Variants in ZDHHC2 observed in about 807,000 individuals in gnomAD.
ZDHHC2 encodes the protein palmitoyltransferase ZDHHC2.
ZDHHC2 carries 51 observed loss-of-function variants against 55.6 expected under a neutral mutation model. The observed-to-expected ratio is 0.92, with a 90% confidence interval of 0.73 to 1.16. The LOEUF (loss-of-function observed/expected upper bound fraction) is 1.16. Among genes scored for constraint, ZDHHC2 ranks in the 50% most tolerant of loss-of-function variants. The pLI, the probability that ZDHHC2 is intolerant of heterozygous loss-of-function variation, is 0.00. For missense variants in ZDHHC2, 491 were observed against 442.4 expected (o/e 1.11, Z -0.99); for synonymous variants, 199 against 152.9 (o/e 1.30, Z -2.22).
Position 17,199,503 on chromosome 8 carries a change from T to TTCTTCG in ZDHHC2, c.476+1095_476+1096insGTCTTC, listed in dbSNP as rs1554465992. 8.3e-3 allele frequency among the ~76,000 whole-genome samples: 522 copies of TTCTTCG among 63,228 alleles called. 19 individuals are homozygous for TTCTTCG. The highest frequency in any genetic ancestry group is 0.023 in the African/African-American group (487 of 21,054). 41.5% of individuals were successfully genotyped at this position (63,228 alleles called of 152,430 possible). A position where few individuals can be genotyped will look rare whatever the true frequency, so the allele number is the denominator to read the frequency against. On this transcript the variant is annotated intron_variant, in intron 6 of 12. Transcript: ENST00000262096. ...CTTCTTCTTCTTCTTCTTCTTCTTC[T>TTCTTCG]TCTTCTTCTTCGTCTTCGTCTTCGT...
At chr8:17,185,692 G>C (rs1229465185) in intron 2 of ZDHHC2, among the ~76,000 whole-genome samples, 1 of 151,970 alleles carries the variant, frequency 6.6e-6, no homozygotes. Context: ...AGAAAATTTT[G>C]GATAGTATTT....
chr8:17,187,577 A>G (rs181831682), intron 3 of ZDHHC2, among the ~76,000 whole-genome samples: 4 of 151,928 alleles, frequency 2.6e-5, no homozygotes, highest in African/African-American at 9.7e-5. Flanking sequence ...ATGCCTATCT[A>G]TTGCCTGTTT....
chr8:17,205,831 C>G, intron 7 of ZDHHC2, 56 bp downstream of exon 7: 1 of 1,470,048 alleles, frequency 6.8e-7, no homozygotes, highest in Non-Finnish European at 9.1e-7. Flanking sequence ...ATAATATAGG[C>G]TTTTCAGAAC....
intron 1 of ZDHHC2, among the ~76,000 whole-genome samples, chr8:17,171,291 A>G (rs1804841654): frequency 6.6e-6 from 1 of 152,242 alleles, no homozygotes; most frequent in South Asian, 2.1e-4. Context: ...TGCTGGCACT[A>G]GGAGCCTCTT....
At chr8:17,168,688 T>C (rs1804719136) in intron 1 of ZDHHC2, among the ~76,000 whole-genome samples, 1 of 151,944 alleles carries the variant, frequency 6.6e-6, no homozygotes, top group African/African-American at 2.4e-5. Context: ...ACCATTCTAC[T>C]TTCTGCCTCC....
At position 17,204,479 on chromosome 8, in the gene ZDHHC2, A is replaced by G. The variant is rs113369182; in HGVS notation, c.477-1176A>G. Among the ~76,000 whole-genome samples the G allele has an allele frequency of 2.7e-3, 406 of 152,374 alleles. 3 individuals carry two copies. Among genetic ancestry groups the G allele is most frequent in the African/African-American group, 9.0e-3 (374 of 41,590 alleles). On this transcript the variant is annotated intron_variant, in intron 6 of 12. Coordinates refer to ENST00000262096, the MANE Select transcript of ZDHHC2 (RefSeq NM_016353.5). ...ACTCAACCCATGAAGGTATTAGCCA[A>G]TTCCACATGGGTGATGTATCACATT...
Position 17,210,077 on chromosome 8 carries a change from T to G in ZDHHC2, c.857+19T>G, listed in dbSNP as rs1807302124. 6.3e-7 allele frequency: 1 copy of G among 1,576,394 alleles called. No individual in the cohort carries two copies. Among genetic ancestry groups the G allele is most frequent in the Non-Finnish European group, 8.6e-7 (1 of 1,160,032 alleles). On this transcript the variant is annotated intron_variant, in intron 9 of 12. Transcript: ENST00000262096. ...TTTCAAGGTACTTCTTTGTTAAAAT[T>G]TTCAGGCTTTAAACTAATGAAAATA...
Position 17,222,387 on chromosome 8 carries a change from TA to T in ZDHHC2, c.*2167del, listed in dbSNP as rs1045918084. On this transcript the variant is annotated 3_prime_UTR_variant, in exon 13 of 13. Transcript: ENST00000262096. ...AATAAATAGATCTACATTTTGTACA[TA>T]TTTATATAAAATTTACCTTTAAGTA... 6.6e-6 allele frequency: 1 copy of T among 151,854 alleles called. No homozygotes were observed. Among genetic ancestry groups the T allele is most frequent in the Admixed American group, 6.6e-5 (1 of 15,230 alleles). 9.4% of individuals were successfully genotyped at this position (151,854 alleles called of 1,614,324 possible). A position where few individuals can be genotyped will look rare whatever the true frequency, so the allele number is the denominator to read the frequency against.
At chr8:17,216,115 A>G (rs1049439796) in intron 11 of ZDHHC2, among the ~76,000 whole-genome samples, 2 of 152,214 alleles carry the variant, frequency 1.3e-5, no homozygotes, top group African/African-American at 4.8e-5. Flanking sequence ...AAAGCCATAC[A>G]TCTGTGATTA....
intron 11 of ZDHHC2, 82 bp downstream of exon 11, chr8:17,215,431 A>G (rs1349206540): frequency 2.9e-6 from 3 of 1,045,980 alleles, no homozygotes; most frequent in Middle Eastern, 4.0e-4. Context: ...CCATTATACT[A>G]CCTACAGATG....
At chr8:17,184,768 T>C in intron 1 of ZDHHC2, 21 bp from the exon 2 acceptor site, 4 of 1,548,334 alleles carry the variant, frequency 2.6e-6, no homozygotes, top group Non-Finnish European at 3.5e-6. Context: ...TGTAACCTAT[T>C]ACCTTTTTTT....
chr8:17,166,814 C>T (rs1043226708), intron 1 of ZDHHC2, among the ~76,000 whole-genome samples: 1 of 152,076 alleles, frequency 6.6e-6, no homozygotes, highest in Non-Finnish European at 1.5e-5. Context: ...TCTGGGAGGA[C>T]TGAGAATTTA....
At position 17,210,243 on chromosome 8, in the gene ZDHHC2, G is replaced by A. The variant is rs545724254; in HGVS notation, c.858-145G>A. ...AAGTCAGTTAATTCATCATCTTCCT[G>A]AACACTATGTTGAGCTCAATGTCTA... On this transcript the variant is annotated intron_variant, in intron 9 of 12. Coordinates refer to ENST00000262096, the MANE Select transcript of ZDHHC2 (RefSeq NM_016353.5). 6.7e-5 allele frequency: 71 copies of A among 1,052,568 alleles called. No individual in the cohort carries two copies. In the African/African-American group the frequency reaches 1.1e-3, roughly 17 times the overall value. The allele number at this position is 1,052,568 out of a possible 1,614,324, so 65.2% of individuals were successfully genotyped here.
rs546787604 is a variant in ZDHHC2, at chr8:17,188,738, G to A, written c.252+2313G>A. Among the ~76,000 whole-genome samples, 20 of 152,216 alleles carry A rather than the reference G, an allele frequency of 1.3e-4. No homozygotes were observed. The East Asian group carries it at 2.5e-3, about 19-fold the overall frequency. ...ATTAGCCTGGTGCTTGCTAATAAAC[G>A]CCTGACACATTTCCAGCTCCCTATT... On this transcript the variant is annotated intron_variant, in intron 3 of 12. Coordinates refer to ENST00000262096, the MANE Select transcript of ZDHHC2 (RefSeq NM_016353.5).
intron 12 of ZDHHC2, among the ~76,000 whole-genome samples, chr8:17,219,462 A>C (rs904145445): frequency 2.6e-4 from 39 of 152,088 alleles, no homozygotes; most frequent in African/African-American, 9.4e-4. Context: ...ATATGGTATA[A>C]ATAAAAAATG....
chr8:17,208,699 C>T (rs1173488683), intron 8 of ZDHHC2, among the ~76,000 whole-genome samples: 1 of 152,130 alleles, frequency 6.6e-6, no homozygotes, highest in African/African-American at 2.4e-5. Context: ...CAAATGAAAT[C>T]ATTACACCAA....
At chr8:17,187,335 C>T (rs1299928196) in intron 3 of ZDHHC2, among the ~76,000 whole-genome samples, 1 of 151,908 alleles carries the variant, frequency 6.6e-6, no homozygotes, top group African/African-American at 2.4e-5. Context: ...GTATCCTTGG[C>T]GTATAGCCCA....
intron 3 of ZDHHC2, among the ~76,000 whole-genome samples, chr8:17,187,127 C>T (rs981936200): frequency 6.6e-6 from 1 of 152,334 alleles, no homozygotes; most frequent in African/African-American, 2.4e-5. Flanking sequence ...TGTAGCCTTT[C>T]TTCTCGATGA....
chr8:17,156,529 T>TGAG lies in ZDHHC2; in HGVS notation c.-191_-189dup, dbSNP rs1804052528. 4.6e-6 allele frequency: 1 copy of TGAG among 217,292 alleles called. No homozygotes were observed. 13.5% of individuals were successfully genotyped at this position (217,292 alleles called of 1,614,324 possible). A position where few individuals can be genotyped will look rare whatever the true frequency, so the allele number is the denominator to read the frequency against. On this transcript the variant is annotated 5_prime_UTR_variant, in exon 1 of 13. Transcript: ENST00000262096. Reference sequence around the variant, plus strand: ...GCCGCCGCCTCCGCCTCCGCCGGGCTGAGGAGCCGGGAGTCCGCCGCGCCG... The same window carrying TGAG: ...GCCGCCGCCTCCGCCTCCGCCGGGCTGAGGAGGAGCCGGGAGTCCGCCGCGCCG...
Sources: gnomAD v4.1 joint callset for allele counts (sites outside exome capture counted in the v4.1 genomes callset) on GRCh38, gnomAD v4.1.1 for gene constraint, MANE v1.5 for transcripts, NCBI Gene and HGNC (gene_info 2026-07-23, HGNC 2026-07-21) for gene names.